The following VPS13A variants were observed in gnomAD, a reference collection of about 807,000 sequenced individuals.
VPS13A encodes the protein intermembrane lipid transfer protein VPS13A.
VPS13A carries 264 observed loss-of-function variants against 390.9 expected under a neutral mutation model. The ratio of observed to expected loss-of-function variants is 0.68; its 90% confidence interval spans 0.61 to 0.75. VPS13A has a LOEUF of 0.75. Ranked by LOEUF, VPS13A falls within the 30% of genes least tolerant of loss-of-function variation. The probability of loss-of-function intolerance (pLI) is 0.00; values close to 1 mark genes in which losing one functional copy is unlikely to be tolerated. For missense variants in VPS13A, 3,409 were observed against 3,733.9 expected (o/e 0.91, Z 2.27); for synonymous variants, 1,231 against 1,227.1 (o/e 1.00, Z -0.07).
chr9:77,410,519 A>C (rs1169700887), intron 71 of VPS13A, among the ~76,000 whole-genome samples: 1 of 152,194 alleles, frequency 6.6e-6, no homozygotes, highest in Non-Finnish European at 1.5e-5. Flanking sequence ...TAGAGTCAAG[A>C]CCCATCAGTG....
intron 35 of VPS13A, among the ~76,000 whole-genome samples, chr9:77,310,405 A>G (rs957999579): frequency 7.2e-5 from 11 of 152,232 alleles, no homozygotes; most frequent in Admixed American, 5.9e-4. Flanking sequence ...TGTAGGATAC[A>G]GAGTTAGCTA....
intron 45 of VPS13A, among the ~76,000 whole-genome samples, chr9:77,327,447 A>G (rs1830069614): frequency 6.6e-6 from 1 of 152,166 alleles, no homozygotes; most frequent in Non-Finnish European, 1.5e-5. Context: ...TTTTTCTAGA[A>G]TTAAAAATAT....
rs540775893 is a variant in VPS13A, at chr9:77,369,428, T to C, written c.8667+16T>C. The stretch of plus-strand genomic sequence containing the variant: ...ACCTTACCAGGTAAAATAGTTATTT[T>C]TGTGGTTGTGCAATATGTCACTAAT... On this transcript the variant is annotated intron_variant, in intron 63 of 71. Coordinates refer to ENST00000360280, the MANE Select transcript of VPS13A (RefSeq NM_033305.3). The C allele has an allele frequency of 2.0e-6, 3 of 1,498,830 alleles. No homozygotes were observed. Among genetic ancestry groups the C allele is most frequent in the South Asian group, 2.3e-5 (2 of 88,626 alleles). 92.8% of individuals were successfully genotyped at this position (1,498,830 alleles called of 1,614,324 possible). A position where few individuals can be genotyped will look rare whatever the true frequency, so the allele number is the denominator to read the frequency against.
At chr9:77,309,937 G>C (rs574381802) in intron 35 of VPS13A, among the ~76,000 whole-genome samples, 1 of 151,810 alleles carries the variant, frequency 6.6e-6, no homozygotes, top group Non-Finnish European at 1.5e-5. Context: ...ATTGATTTTT[G>C]TTGTTTTTTA....
chr9:77,296,271 C>T (rs1363858977), intron 33 of VPS13A, among the ~76,000 whole-genome samples: 1 of 152,140 alleles, frequency 6.6e-6, no homozygotes, highest in Non-Finnish European at 1.5e-5. Flanking sequence ...TAGCATACAA[C>T]CTTATTCGTT....
At chr9:77,198,704 C>T (rs574154636) in intron 1 of VPS13A, among the ~76,000 whole-genome samples, 1 of 152,206 alleles carries the variant, frequency 6.6e-6, no homozygotes, top group East Asian at 1.9e-4. Context: ...CACTCTGTTG[C>T]CCAGGCTGGA....
intron 46 of VPS13A, among the ~76,000 whole-genome samples, chr9:77,335,504 T>G (rs748871565): frequency 7.9e-5 from 12 of 151,610 alleles, no homozygotes; most frequent in Non-Finnish European, 1.3e-4. Flanking sequence ...CTGAAAAAAA[T>G]TTACAAGAAA....
At chr9:77,308,849 C>T (rs964666965) in intron 35 of VPS13A, among the ~76,000 whole-genome samples, 1 of 152,166 alleles carries the variant, frequency 6.6e-6, no homozygotes, top group African/African-American at 2.4e-5. Context: ...TGTTACACAG[C>T]ATTTTTACTC....
Position 77,239,400 on chromosome 9 carries a change from T to TA in VPS13A, c.1900+1024dup, listed in dbSNP as rs147105811. On this transcript the variant is annotated intron_variant, in intron 19 of 71. Transcript: ENST00000360280. ...CACCAAAAGTAATAATAATAAAAAT[T>TA]AAAAAAAAAATAAATTTTAAGACTG... Among the ~76,000 whole-genome samples, 699 of 149,368 alleles carry TA rather than the reference T, an allele frequency of 4.7e-3. 3 individuals carry two copies. The highest frequency in any genetic ancestry group is 0.013 in the African/African-American group (533 of 40,782).
chr9:77,356,295 A>G (rs1403412804), intron 54 of VPS13A, among the ~76,000 whole-genome samples: 1 of 152,102 alleles, frequency 6.6e-6, no homozygotes, highest in East Asian at 1.9e-4. Flanking sequence ...CACTTTCTCA[A>G]TGAATCCCCC....
intron 19 of VPS13A, among the ~76,000 whole-genome samples, chr9:77,246,975 T>C (rs370682910): frequency 6.6e-6 from 1 of 151,376 alleles, no homozygotes; most frequent in African/African-American, 2.4e-5. Context: ...CCACTGAAAC[T>C]TTTTTTTTGG....
intron 70 of VPS13A, among the ~76,000 whole-genome samples, chr9:77,407,040 C>T (rs1033657536): frequency 2.0e-5 from 3 of 152,170 alleles, no homozygotes; most frequent in African/African-American, 7.2e-5. Context: ...AAACTATATT[C>T]TTACTGTATG....
At chr9:77,281,257 G>A (rs1237178294) in intron 27 of VPS13A, among the ~76,000 whole-genome samples, 1 of 152,072 alleles carries the variant, frequency 6.6e-6, no homozygotes, top group African/African-American at 2.4e-5. Context: ...ATAATAATGT[G>A]TTGTTTATTT....
In VPS13A at chr9:77,220,137, C is replaced by T. The variant is rs1485299986; in HGVS notation, c.882+56C>T. ...GAATTATTGTTTGATAAAAGCAAAACTAAGATTTTAAATGTTTCACTAAAA... is the reference window on the plus strand; with the variant it reads ...GAATTATTGTTTGATAAAAGCAAAATTAAGATTTTAAATGTTTCACTAAAA... On this transcript the variant is annotated intron_variant, in intron 11 of 71. Transcript: ENST00000360280. 4 of 1,554,384 alleles carry T rather than the reference C, an allele frequency of 2.6e-6. No individual in the cohort carries two copies. In the African/African-American group the frequency reaches 5.5e-5, roughly 21 times the overall value.
At chr9:77,296,139 T>C (rs1054750413) in intron 33 of VPS13A, among the ~76,000 whole-genome samples, 3 of 152,208 alleles carry the variant, frequency 2.0e-5, no homozygotes, top group Admixed American at 2.0e-4. Flanking sequence ...ATTACATGGC[T>C]ATGGAAAAAA....
At chr9:77,406,819 C>G (rs1481656811) in intron 70 of VPS13A, among the ~76,000 whole-genome samples, 1 of 151,798 alleles carries the variant, frequency 6.6e-6, no homozygotes, top group African/African-American at 2.4e-5. Flanking sequence ...ACTAGTAAAA[C>G]CTTTACTTTG....
At position 77,366,861 on chromosome 9, in the gene VPS13A, T is replaced by A; in HGVS notation, c.8460T>A (p.Asp2820Glu). 6 of 1,612,748 alleles carry A rather than the reference T, an allele frequency of 3.7e-6. No individual in the cohort carries two copies. Among genetic ancestry groups the A allele is most frequent in the Non-Finnish European group, 5.1e-6 (6 of 1,179,266 alleles). The change falls in exon 61 of 72, where the codon GAT becomes GAA. Residue 2820 changes from aspartate (D) to glutamate (E), a missense_variant. By Grantham distance (45) the Asp-to-Glu change is conservative. This residue lies in a region of VPS13A where 123 missense variants were observed against 118.7 expected (regional missense o/e 1.04). Transcript: ENST00000360280. ...GTGCCACACTGACAGATGTACAAGA[T>A]GTAGTTTTTAAGTATGTTTAGTATT... The part of the protein sequence containing the change: ...SIGATLTDVQ[D>E]VVFKLAFFEL...
rs188440844 is a variant in VPS13A, at chr9:77,392,063, C to T, written c.9189+9976C>T. On this transcript the variant is annotated intron_variant, in intron 68 of 71. Transcript: ENST00000360280. The stretch of plus-strand genomic sequence containing the variant: ...AACACATGCCACGTTAGAGGCCAAC[C>T]CTGTAATGTCGGATCTTCACACTCT... Among the ~76,000 whole-genome samples the T allele has an allele frequency of 3.5e-4, 53 of 152,218 alleles. 1 individual carries two copies. Among genetic ancestry groups the T allele is most frequent in the Middle Eastern group, 3.4e-3 (1 of 294 alleles).
chr9:77,260,607 G>A (rs1047407125), intron 23 of VPS13A, among the ~76,000 whole-genome samples: 4 of 151,710 alleles, frequency 2.6e-5, no homozygotes, highest in South Asian at 4.2e-4. Flanking sequence ...TGCCCGCCTC[G>A]GCCTCCCAAA....
Sources: gnomAD v4.1 joint callset for allele counts (sites outside exome capture counted in the v4.1 genomes callset) on GRCh38, gnomAD v4.1.1 for gene constraint, gnomAD v4.1.1 regional missense constraint, MANE v1.5 for transcripts, NCBI Gene and HGNC (gene_info 2026-07-23, HGNC 2026-07-21) for gene names.